The following COL1A2 variants were observed in gnomAD, a reference collection of about 807,000 sequenced individuals.
COL1A2 encodes the protein collagen alpha-2(I) chain.
Under a neutral mutation model 174.3 loss-of-function variants are expected in COL1A2, and 49 were observed. The observed-to-expected ratio is 0.28, with a 90% CI of 0.22 to 0.36. The LOEUF (loss-of-function observed/expected upper bound fraction) is 0.36. Among genes scored for constraint, COL1A2 ranks in the 10% least tolerant of loss-of-function variants. The probability of loss-of-function intolerance (pLI) is 1.00; values close to 1 mark genes in which losing one functional copy is unlikely to be tolerated. For missense variants in COL1A2, 1,438 were observed against 1,822.7 expected (o/e 0.79, Z 3.84); for synonymous variants, 655 against 606.6 (o/e 1.08, Z -1.17).
At position 94,420,537 on chromosome 7, in the gene COL1A2, A is replaced by G. The variant is rs1114167413; in HGVS notation, c.2188-4A>G. The G allele has an allele frequency of 2.5e-6, 4 of 1,614,052 alleles. No homozygotes were observed. The highest frequency in any genetic ancestry group is 2.2e-5 in the East Asian group (1 of 44,870). On this transcript the variant is annotated splice_polypyrimidine_tract_variant and splice_region_variant and intron_variant, in intron 36 of 51. Transcript: ENST00000297268. ...CCAGAGCTGTAACTGTTTATTTCCA[A>G]CAGGGTGCTGCTGGTCAACCTGGTG...
Position 94,413,756 on chromosome 7 carries a change from C to G in COL1A2, c.1611+13C>G. 6.2e-7 allele frequency: 1 copy of G among 1,613,986 alleles called. No individual in the cohort carries two copies. Among genetic ancestry groups the G allele is most frequent in the Non-Finnish European group, 8.5e-7 (1 of 1,179,858 alleles). ...TCCTGGACCACAGGTGAGTATTTCTCCCACTCTTGTGCTCTTCTGCACTAG... is the reference window on the plus strand; with the variant it reads ...TCCTGGACCACAGGTGAGTATTTCTGCCACTCTTGTGCTCTTCTGCACTAG... On this transcript the variant is annotated intron_variant, in intron 27 of 51. Transcript: ENST00000297268.
At chr7:94,409,910 A>T (rs1269593849) in intron 19 of COL1A2, 89 bp downstream of exon 19, 1 of 1,283,416 alleles carries the variant, frequency 7.8e-7, no homozygotes, top group Non-Finnish European at 1.1e-6. Context: ...TTGTAGTTTT[A>T]TTATTCCTAT....
intron 17 of COL1A2, 65 bp from the exon 18 acceptor site, chr7:94,409,499 G>A (rs933691017): frequency 5.0e-6 from 8 of 1,610,364 alleles, no homozygotes; most frequent in Admixed American, 3.3e-5. Flanking sequence ...GAATGAAGAT[G>A]GGGTCAAAGA....
At chr7:94,418,653 CAA>C (rs1792092520) in intron 33 of COL1A2, 101 bp downstream of exon 33, 1 of 910,936 alleles carries the variant, frequency 1.1e-6, no homozygotes. Context: ...CTTTATTTAT[CAA>C]GTTTAATAAA....
chr7:94,424,429 G>A lies in COL1A2; in HGVS notation c.2659G>A (p.Val887Ile). The A allele has an allele frequency of 3.7e-6, 6 of 1,614,008 alleles. No homozygotes were observed. The highest frequency in any genetic ancestry group is 5.1e-6 in the Non-Finnish European group (6 of 1,179,876). The change falls in exon 41 of 52, where the codon GTT (valine) becomes ATT (isoleucine). Residue 887 changes from valine to isoleucine, a missense_variant. This residue lies in a region of COL1A2 where 867 missense variants were observed against 1,213.7 expected (regional missense o/e 0.71). Transcript: ENST00000297268. ...GAGAGGTGAACGTGGTCTACCAGGT[G>A]TTGCTGGTGCTGTGGTGAGTGCTTG... ...GSRGERGLPG[V>I]AGAVGEPGPL...
At chr7:94,429,160 A>C in intron 50 of COL1A2, 28 bp from the exon 51 acceptor site, 2 of 1,563,392 alleles carry the variant, frequency 1.3e-6, no homozygotes, top group South Asian at 1.1e-5. Flanking sequence ...TTCTCCACTT[A>C]ACTGGAATTT....
intron 51 of COL1A2, 47 bp from the exon 52 acceptor site, chr7:94,430,200 T>C: frequency 6.3e-7 from 1 of 1,577,840 alleles, no homozygotes; most frequent in Non-Finnish European, 8.7e-7. Flanking sequence ...ATTATCAGAT[T>C]CAGAAATAGT....
At chr7:94,405,282 AAAC>A in intron 10 of COL1A2, 30 bp downstream of exon 10, 1 of 1,603,568 alleles carries the variant, frequency 6.2e-7, no homozygotes, top group Non-Finnish European at 8.5e-7. Context: ...TAGATAGCAC[AAAC>A]ATCATAGGCC....
intron 10 of COL1A2, 138 bp downstream of exon 10, chr7:94,405,390 A>T (rs1791775238): frequency 1.0e-5 from 9 of 865,664 alleles, no homozygotes; most frequent in African/African-American, 5.2e-5. Context: ...ATAAAGAAAA[A>T]AGCCTAGTTA....
At position 94,430,484 on chromosome 7, in the gene COL1A2, C is replaced by G; in HGVS notation, c.*91C>G. 1 of 1,349,788 alleles carries G rather than the reference C, an allele frequency of 7.4e-7. No homozygotes were observed. The highest frequency in any genetic ancestry group is 1.0e-6 in the Non-Finnish European group (1 of 958,706). 83.6% of individuals were successfully genotyped at this position (1,349,788 alleles called of 1,614,324 possible). A position where few individuals can be genotyped will look rare whatever the true frequency, so the allele number is the denominator to read the frequency against. The stretch of plus-strand genomic sequence containing the variant: ...CTTCTTTTTTAACTGAAAGCTGAAT[C>G]CTTCCATTTCTTCTGCACATCTACT... On this transcript the variant is annotated 3_prime_UTR_variant, in exon 52 of 52. Transcript: ENST00000297268.
chr7:94,398,903 G>T, intron 3 of COL1A2, 146 bp from the exon 4 acceptor site: 1 of 770,050 alleles, frequency 1.3e-6, no homozygotes, highest in Non-Finnish European at 2.2e-6. Flanking sequence ...TTTATCTATT[G>T]CATTGTGTCA....
chr7:94,416,501 A>C lies in COL1A2; in HGVS notation c.1861A>C (p.Lys621Gln). ...PSGPPGPDGN[K>Q]GEPGVVGAVG... ...TGGACCCCCAGGGCCTGATGGAAAC[A>C]AGGTAAAATCTTATGTTTTCTATAT... Residue 621 changes from lysine to glutamine, a missense_variant and splice_region_variant, in exon 31 of 52, where the codon AAG becomes CAG. Around this residue, in one of 3 missense-constraint regions of COL1A2, gnomAD observed 867 missense variants for 1,213.7 expected, o/e 0.71. Transcript: ENST00000297268. 6.4e-7 allele frequency: 1 copy of C among 1,564,252 alleles called. No homozygotes were observed. Among genetic ancestry groups the C allele is most frequent in the African/African-American group, 1.4e-5 (1 of 73,846 alleles).
In COL1A2 at chr7:94,395,368, C is replaced by T. The variant is rs878979143; in HGVS notation, c.70+267C>T. On this transcript the variant is annotated intron_variant, in intron 1 of 51. Coordinates refer to ENST00000297268, the MANE Select transcript of COL1A2 (RefSeq NM_000089.4). ...TCGGTCTGGCTCCTCAGCTTAGTAA[C>T]CCCCAAAGGGAGCGGAAGGTCTTTT... 79 of 514,638 alleles carry T rather than the reference C, an allele frequency of 1.5e-4. 1 individual carries two copies. The highest frequency in any genetic ancestry group is 1.3e-3 in the South Asian group (73 of 54,376). The allele number at this position is 514,638 out of a possible 1,614,324, so 31.9% of individuals were successfully genotyped here.
intron 6 of COL1A2, 61 bp from the exon 7 acceptor site, chr7:94,404,495 C>T: frequency 6.3e-6 from 10 of 1,580,972 alleles, no homozygotes; most frequent in Non-Finnish European, 8.7e-6. Context: ...CATATCTGAC[C>T]CCAGCCAACA....
At chr7:94,406,145 A>T in intron 11 of COL1A2, 105 bp from the exon 12 acceptor site, 3 of 1,195,414 alleles carry the variant, frequency 2.5e-6, no homozygotes, top group Non-Finnish European at 3.7e-6. Context: ...ACTGCAGCAG[A>T]CAAGACTTAC....
intron 38 of COL1A2, 146 bp from the exon 39 acceptor site, chr7:94,421,752 TA>T: frequency 4.3e-6 from 3 of 699,116 alleles, no homozygotes; most frequent in South Asian, 1.7e-5. Context: ...CCTGGCTAAA[TA>T]ATGCCCTATA....
rs1190772159 is a variant in COL1A2, at chr7:94,409,339, T to A, written c.810T>A (p.Val270=). 3 of 1,614,030 alleles carry A rather than the reference T, an allele frequency of 1.9e-6. No individual in the cohort carries two copies. The highest frequency in any genetic ancestry group is 2.5e-6 in the Non-Finnish European group (3 of 1,180,026). ...APGPKGEIGA[V]GNAGPAGPAG... ...TCTTTTAGGGTGAAATTGGAGCTGT[T>A]GGTAACGCTGGTCCTGCTGGTCCCG... Residue 270 remains valine, a synonymous_variant, in exon 17 of 52, where the codon GTT becomes GTA. Transcript: ENST00000297268.
intron 25 of COL1A2, among the ~76,000 whole-genome samples, 169 bp downstream of exon 25, chr7:94,412,851 T>C (rs1318531157): frequency 6.6e-6 from 1 of 152,194 alleles, no homozygotes; most frequent in African/African-American, 2.4e-5. Context: ...TGTATCCTTA[T>C]ATCCCTGCTA....
At position 94,417,920 on chromosome 7, in the gene COL1A2, G is replaced by A; in HGVS notation, c.1971+89G>A. 3 of 1,071,898 alleles carry A rather than the reference G, an allele frequency of 2.8e-6. No homozygotes were observed. In the South Asian group the frequency reaches 4.0e-5, roughly 14 times the overall value. 66.4% of individuals were successfully genotyped at this position (1,071,898 alleles called of 1,614,324 possible). A position where few individuals can be genotyped will look rare whatever the true frequency, so the allele number is the denominator to read the frequency against. On this transcript the variant is annotated intron_variant, in intron 32 of 51. Coordinates refer to ENST00000297268, the MANE Select transcript of COL1A2 (RefSeq NM_000089.4). ...CCCAAGTTTTCACAATTCTTGGCAG[G>A]TGGTCTGGTAGCATTTTCATATCTA...
Sources: allele counts gnomAD v4.1 joint callset (sites outside exome capture counted in the v4.1 genomes callset), GRCh38; gene constraint gnomAD v4.1.1; regional missense constraint gnomAD v4.1.1; transcripts MANE v1.5; gene names NCBI Gene and HGNC (gene_info 2026-07-23, HGNC 2026-07-21).